JAKMIP3: variants seen among roughly 807,000 people sequenced by gnomAD.
JAKMIP3 encodes Janus kinase and microtubule interacting protein 3.
A neutral mutation model predicts 118.5 loss-of-function variants in JAKMIP3; 58 were observed. The observed-to-expected ratio is 0.49, with a 90% CI of 0.40 to 0.61. The LOEUF (loss-of-function observed/expected upper bound fraction) is 0.61, where lower values mean the gene tolerates loss of function less well. Among genes scored for constraint, JAKMIP3 ranks in the 20% least tolerant of loss-of-function variants. The pLI is 0.00. For synonymous variants in JAKMIP3, 486 were observed against 451.2 expected, an observed-to-expected ratio of 1.08 and a Z score of -0.98; for missense variants, 950 against 1,109.0, an observed-to-expected ratio of 0.86 and a Z score of 2.04.
At chr10:132,166,527 A>G (rs966999182) in intron 21 of JAKMIP3, among the ~76,000 whole-genome samples, 1 of 152,162 alleles carries the variant, frequency 6.6e-6, no homozygotes, top group Non-Finnish European at 1.5e-5. Context: ...TGAGACCACA[A>G]TATTCTCACA....
chr10:132,126,458 G>A (rs778144994), intron 3 of JAKMIP3, among the ~76,000 whole-genome samples: 7 of 151,980 alleles, frequency 4.6e-5, no homozygotes, highest in Non-Finnish European at 7.4e-5. Context: ...ACATGCTGCC[G>A]TACCTGGCTA....
chr10:132,139,227 AGT>A (rs3077802), intron 9 of JAKMIP3, among the ~76,000 whole-genome samples: 30,640 of 111,038 alleles, frequency 0.28, 4,514 homozygotes, highest in African/African-American at 0.44. Flanking sequence ...TGTACATGTG[AGT>A]GTATATGCAT....
chr10:132,077,735 C>G (rs2041053035), intron 1 of JAKMIP3, among the ~76,000 whole-genome samples: 2 of 152,326 alleles, frequency 1.3e-5, no homozygotes, highest in South Asian at 4.1e-4. Context: ...ACTGCAACCT[C>G]CACCTCCTGG....
At chr10:132,148,838 C>T (rs541916132) in intron 14 of JAKMIP3, among the ~76,000 whole-genome samples, 25 of 152,192 alleles carry the variant, frequency 1.6e-4, no homozygotes, top group Non-Finnish European at 3.5e-4. Context: ...CCGCCCCTGC[C>T]GAGCACCACA....
intron 10 of JAKMIP3, 124 bp from the exon 11 acceptor site, chr10:132,141,796 A>C (rs2135949984): frequency 8.9e-7 from 1 of 1,127,024 alleles, no homozygotes; most frequent in East Asian, 2.6e-5. Context: ...ATGCTGCTAG[A>C]GAGACCCCCC....
chr10:132,133,572 G>A, intron 4 of JAKMIP3, 45 bp downstream of exon 4: 3 of 1,520,838 alleles, frequency 2.0e-6, no homozygotes, highest in Non-Finnish European at 1.8e-6. Context: ...GTCACAGACA[G>A]ACCTGGCCAT....
chr10:132,139,380 ATG>A (rs1323042230), intron 9 of JAKMIP3, among the ~76,000 whole-genome samples: 8 of 104,294 alleles, frequency 7.7e-5, no homozygotes, highest in South Asian at 3.7e-4. Flanking sequence ...GTGTGTGAGT[ATG>A]TGAGTGTATG....
intron 3 of JAKMIP3, among the ~76,000 whole-genome samples, chr10:132,124,083 A>C (rs1328300210): frequency 6.6e-6 from 1 of 152,194 alleles, no homozygotes; most frequent in Non-Finnish European, 1.5e-5. Context: ...ATGTTGAGGA[A>C]ACGTCTACAG....
chr10:132,104,897 C>T lies in JAKMIP3; in HGVS notation c.89C>T (p.Ala30Val), dbSNP rs1427017583. 6 of 1,585,070 alleles carry T rather than the reference C, an allele frequency of 3.8e-6. No homozygotes were observed. Among genetic ancestry groups the T allele is most frequent in the Non-Finnish European group, 5.1e-6 (6 of 1,166,020 alleles). The change falls in exon 2 of 24, where the codon GCC (alanine) becomes GTC (valine). Residue 30 changes from alanine to valine, a missense_variant. Ala to Val is a moderately conservative substitution (Grantham distance 64, BLOSUM62 0). Transcript: ENST00000684848. The part of the protein sequence containing the change: ...ALQAANEDLR[A>V]KLTDIQIELQ... The stretch of plus-strand genomic sequence containing the variant: ...CAGGCGGCCAACGAGGATCTTCGAG[C>T]CAAGCTCACAGACATCCAGATCGAG...
chr10:132,040,701 TAAATC>T lies in JAKMIP3; in HGVS notation c.-138+3964_-138+3968del, dbSNP rs1310689684. Among the ~76,000 whole-genome samples the T allele has an allele frequency of 2.0e-5, 3 of 150,752 alleles. No individual in the cohort carries two copies. In the Admixed American group the frequency reaches 2.0e-4, roughly 10 times the overall value. ...GTAGATAAGAACACTTAACATGAAA[TAAATC>T]CTCTTAAATTTTAAGTGTACGACAC... On this transcript the variant is annotated intron_variant, in intron 1 of 23. Coordinates refer to the JAKMIP3 transcript ENST00000657785.
chr10:132,180,768 T>TGTGTGTGTGCGCGTGTGC (rs1554963475), intron 23 of JAKMIP3, among the ~76,000 whole-genome samples: 1 of 32,494 alleles, frequency 3.1e-5, no homozygotes. Context: ...TGCGTGTGTG[T>TGTGTGTGTGCGCGTGTGC]GCGTGTGTGT....
chr10:132,134,180 C>T (rs771921776), intron 4 of JAKMIP3, among the ~76,000 whole-genome samples: 2 of 152,184 alleles, frequency 1.3e-5, no homozygotes, highest in African/African-American at 4.8e-5. Context: ...AGTCCAGGGA[C>T]CCTCCAGCTG....
chr10:132,094,797 A>AAG (rs1265445071), intron 1 of JAKMIP3, among the ~76,000 whole-genome samples: 2 of 151,876 alleles, frequency 1.3e-5, no homozygotes, highest in Non-Finnish European at 2.9e-5. Flanking sequence ...TGGAACTCCT[A>AAG]AGAGTATATG....
chr10:132,180,606 T>TGTGTGC (rs1554962947), intron 23 of JAKMIP3, among the ~76,000 whole-genome samples: 3 of 24,800 alleles, frequency 1.2e-4, no homozygotes, highest in African/African-American at 7.1e-4. Context: ...TGCGTGCGCG[T>TGTGTGC]GTGTGTGTGC....
intron 1 of JAKMIP3, among the ~76,000 whole-genome samples, chr10:132,054,971 C>T (rs546764706): frequency 4.6e-5 from 7 of 151,744 alleles, no homozygotes; most frequent in Admixed American, 6.6e-5. Flanking sequence ...ACTCCTACAC[C>T]GAGGACCCTC....
At chr10:132,129,449 G>A (rs2050174471) in intron 3 of JAKMIP3, among the ~76,000 whole-genome samples, 1 of 152,174 alleles carries the variant, frequency 6.6e-6, no homozygotes, top group African/African-American at 2.4e-5. Flanking sequence ...GGAATCCTTA[G>A]TCAGATCTTT....
At chr10:132,146,835 G>A (rs1044194551) in intron 13 of JAKMIP3, among the ~76,000 whole-genome samples, 8 of 152,210 alleles carry the variant, frequency 5.3e-5, no homozygotes, top group Admixed American at 1.3e-4. Context: ...AATTAGAAGT[G>A]CGTTTCCACA....
At position 132,078,830 on chromosome 10, in the gene JAKMIP3, T is replaced by TG. The variant is rs577537784; in HGVS notation, c.-138+12770dup. 3.7e-3 allele frequency among the ~76,000 whole-genome samples: 566 copies of TG among 152,336 alleles called. 7 individuals carry two copies. The highest frequency in any genetic ancestry group is 8.7e-3 in the African/African-American group (363 of 41,576). ...CGGCCGCCAGAACCTCCCCCGAGCG[T>TG]GTTCCTCTTCTGTCGTGCTGCCACT... On this transcript the variant is annotated intron_variant, in intron 1 of 23. Transcript: ENST00000684848.
intron 9 of JAKMIP3, among the ~76,000 whole-genome samples, chr10:132,139,384 G>A (rs1564948799): frequency 2.0e-5 from 3 of 150,046 alleles, no homozygotes; most frequent in African/African-American, 7.5e-5. Flanking sequence ...GTGAGTATGT[G>A]AGTGTATGAG....
Sources: gnomAD v4.1 joint callset for allele counts (sites outside exome capture counted in the v4.1 genomes callset) on GRCh38, gnomAD v4.1.1 for gene constraint, MANE v1.5 for transcripts, NCBI Gene and HGNC (gene_info 2026-07-23, HGNC 2026-07-21) for gene names.